Variants in DENND4A observed in about 807,000 individuals in gnomAD.
DENND4A encodes the protein C-myc promoter-binding protein.
In DENND4A, 70 loss-of-function variants were observed where a neutral mutation model predicts 199.3. The observed-to-expected ratio is 0.35, with a 90% CI of 0.29 to 0.43. The LOEUF is 0.43. DENND4A is among the 20% of genes least tolerant of loss of function. The pLI, the probability that DENND4A is intolerant of heterozygous loss-of-function variation, is 1.00. For synonymous variants in DENND4A, 686 were observed against 766.9 expected, an observed-to-expected ratio of 0.89 and a Z score of 1.74; for missense variants, 1,723 against 2,255.8, an observed-to-expected ratio of 0.76 and a Z score of 4.78.
chr15:65,714,424 C>CAA (rs56931007), intron 14 of DENND4A, among the ~76,000 whole-genome samples: 2 of 148,014 alleles, frequency 1.4e-5, no homozygotes, highest in Non-Finnish European at 3.0e-5. Context: ...AAAAAAAAAA[C>CAA]AAAAAAAAAA....
intron 1 of DENND4A, among the ~76,000 whole-genome samples, chr15:65,780,053 T>G (rs1454103878): frequency 6.6e-6 from 1 of 151,902 alleles, no homozygotes; most frequent in Admixed American, 6.6e-5. Context: ...AAAAAAAAAT[T>G]TAAGTAAAGA....
rs1369383199 is a variant in DENND4A at position 65,661,764 on chromosome 15, T to C, written c.*87A>G. On this transcript the variant is annotated 3_prime_UTR_variant, in exon 33 of 33. Transcript: ENST00000443035. ...ATTTACAAATTGTATTTTCAAAAAT[T>C]GAAGAAAAAATATTTAGAGTCTAAA... is the stretch of plus-strand genomic sequence containing the variant. The C allele has an allele frequency of 1.9e-5, 23 of 1,203,990 alleles. No homozygotes were observed. The highest frequency in any genetic ancestry group is 2.5e-5 in the Non-Finnish European group (22 of 892,916). The allele number at this position is 1,203,990 out of a possible 1,614,324, so 74.6% of individuals were successfully genotyped here.
chr15:65,733,370 G>T (rs749028594), intron 7 of DENND4A, among the ~76,000 whole-genome samples: 6 of 151,922 alleles, frequency 3.9e-5, no homozygotes, highest in Non-Finnish European at 8.8e-5. Flanking sequence ...CAGAAAAAAA[G>T]CAACCATAGT....
chr15:65,786,486 T>C (rs531857882), intron 1 of DENND4A, among the ~76,000 whole-genome samples: 5 of 152,196 alleles, frequency 3.3e-5, no homozygotes, highest in African/African-American at 1.2e-4. Context: ...TCCCAGCACT[T>C]TGGGAGGCCA....
chr15:65,771,711 A>C, intron 1 of DENND4A: 1 of 1,609,746 alleles, frequency 6.2e-7, no homozygotes. Context: ...ATATTAAACA[A>C]GTCTTCTGGA....
rs771268003 is a variant in DENND4A, at chr15:65,690,596, C to T, written c.3998G>A (p.Cys1333Tyr). 28 of 1,613,530 alleles carry T rather than the reference C, an allele frequency of 1.7e-5. No individual in the cohort carries two copies. The highest frequency in any genetic ancestry group is 2.3e-5 in the Non-Finnish European group (27 of 1,179,704). Residue 1333 changes from cysteine to tyrosine, a missense_variant, in exon 23 of 33, where the codon TGC (cysteine) becomes TAC (tyrosine). Physicochemically the swap from Cys to Tyr is radical, Grantham distance 194. Around this residue, in one of 6 missense-constraint regions of DENND4A, gnomAD observed 650 missense variants for 738.1 expected, o/e 0.88. Transcript: ENST00000443035. ...LWSSPAFSPTCPFREESQDTL... is the reference protein window; with the variant it reads ...LWSSPAFSPTYPFREESQDTL... ...ATCCTGAGATTCTTCCCTAAATGGG[C>T]AAGTAGGTGAGAAGGCTGGAGAAGA...
At chr15:65,695,161 TCTAA>T (rs1403590403) in intron 22 of DENND4A, among the ~76,000 whole-genome samples, 1 of 152,170 alleles carries the variant, frequency 6.6e-6, no homozygotes, top group African/African-American at 2.4e-5. Flanking sequence ...TTATAGGTGA[TCTAA>T]CTTTCTTTTG....
chr15:65,789,773 T>C (rs942617028), intron 1 of DENND4A, among the ~76,000 whole-genome samples: 9 of 152,320 alleles, frequency 5.9e-5, no homozygotes, highest in African/African-American at 1.9e-4. Flanking sequence ...TTGTAGGACA[T>C]AGAATGCTTT....
chr15:65,706,198 T>C lies in DENND4A; in HGVS notation c.1980A>G (p.Val660=), dbSNP rs555782082. ...DKVDMDKSGE[V]RLIELDESFK... ...AAGATTCATCCAGTTCTATAAGTCG[T>C]ACTTCACCGCTCTTGTCCATATCCA... is the stretch of plus-strand genomic sequence containing the variant. Residue 660 remains valine, a synonymous_variant, in exon 15 of 33, where the codon GTA becomes GTG. Transcript: ENST00000443035. 2 of 1,589,826 alleles carry C rather than the reference T, an allele frequency of 1.3e-6. No individual in the cohort carries two copies. The highest frequency in any genetic ancestry group is 1.8e-5 in the Admixed American group (1 of 55,536).
chr15:65,730,887 T>C (rs1359466561), intron 9 of DENND4A, among the ~76,000 whole-genome samples: 1 of 152,098 alleles, frequency 6.6e-6, no homozygotes, highest in Non-Finnish European at 1.5e-5. Flanking sequence ...GATATGTGAA[T>C]TATATCTCAA....
At chr15:65,695,024 A>G (rs930647422) in intron 22 of DENND4A, among the ~76,000 whole-genome samples, 1 of 152,246 alleles carries the variant, frequency 6.6e-6, no homozygotes, top group Non-Finnish European at 1.5e-5. Context: ...GCAAGTTATC[A>G]AGAGTTATAA....
At chr15:65,679,491 G>C (rs1012339737) in intron 23 of DENND4A, among the ~76,000 whole-genome samples, 2 of 151,978 alleles carry the variant, frequency 1.3e-5, no homozygotes, top group Non-Finnish European at 1.5e-5. Flanking sequence ...TTAACTAAAT[G>C]TTCTTCTATT....
At position 65,720,947 on chromosome 15, in the gene DENND4A, T is replaced by TTCTA. The variant is rs1435137020; in HGVS notation, c.1588+1900_1588+1901insTAGA. ...AAAGTTGAATGGGCTGTTTCATTGA[T>TTCTA]TATATATATATATATATATATATAT... On this transcript the variant is annotated intron_variant, in intron 12 of 32. Coordinates refer to ENST00000443035, the MANE Select transcript of DENND4A (RefSeq NM_001320835.1). 2.2e-4 allele frequency among the ~76,000 whole-genome samples: 17 copies of TTCTA among 76,226 alleles called. 1 individual carries two copies. The highest frequency in any genetic ancestry group is 3.2e-4 in the African/African-American group (6 of 19,008). The allele number at this position is 76,226 out of a possible 152,430, so 50.0% of individuals were successfully genotyped here.
chr15:65,697,565 C>T (rs1182989842), intron 20 of DENND4A, among the ~76,000 whole-genome samples, 182 bp from the exon 21 acceptor site: 1 of 152,184 alleles, frequency 6.6e-6, no homozygotes, highest in Non-Finnish European at 1.5e-5. Flanking sequence ...TCCCTTCCAT[C>T]ATCTCTATTA....
At chr15:65,763,593 T>C (rs1292805685) in intron 1 of DENND4A, among the ~76,000 whole-genome samples, 1 of 150,720 alleles carries the variant, frequency 6.6e-6, no homozygotes, top group African/African-American at 2.4e-5. Context: ...GGAGGATTGC[T>C]TGAGCCCAGG....
intron 14 of DENND4A, among the ~76,000 whole-genome samples, chr15:65,711,099 C>T (rs1172736614): frequency 6.6e-6 from 1 of 152,062 alleles, no homozygotes; most frequent in East Asian, 1.9e-4. Context: ...ACAGAAGTGC[C>T]AAATAAGGCA....
intron 9 of DENND4A, chr15:65,731,372 C>G (rs763429224): frequency 2.0e-6 from 1 of 488,916 alleles, no homozygotes; most frequent in South Asian, 1.7e-5. Flanking sequence ...CTGTTCTCAT[C>G]ATCTACATAC....
intron 4 of DENND4A, among the ~76,000 whole-genome samples, chr15:65,748,846 T>C (rs139620305): frequency 1.7e-3 from 250 of 151,386 alleles, no homozygotes; most frequent in African/African-American, 5.8e-3. Flanking sequence ...ATTAGCCAGA[T>C]GTGGTGGTGC....
chr15:65,702,203 AGACTGCAGTGAGCCAT>A, intron 17 of DENND4A, 86 bp downstream of exon 17: 1 of 980,058 alleles, frequency 1.0e-6, no homozygotes, highest in Non-Finnish European at 1.5e-6. Context: ...CAAGAGGTTA[AGACTGCAGTGAGCCAT>A]GACTGCATCA....
Sources: gnomAD v4.1 joint callset for allele counts (sites outside exome capture counted in the v4.1 genomes callset) on GRCh38, gnomAD v4.1.1 for gene constraint, gnomAD v4.1.1 regional missense constraint, MANE v1.5 for transcripts, NCBI Gene and HGNC (gene_info 2026-07-23, HGNC 2026-07-21) for gene names.